GRIK4: variants seen among roughly 807,000 people sequenced by gnomAD.
The protein encoded by GRIK4 is glutamate receptor ionotropic, kainate 4.
In GRIK4, 40 loss-of-function variants were observed where a neutral mutation model predicts 104.9. The observed-to-expected ratio is 0.38, with a 90% CI of 0.30 to 0.50. The LOEUF is 0.50. Ranked by LOEUF, GRIK4 falls within the 20% of genes least tolerant of loss-of-function variation. GRIK4 has a pLI of 0.93. For missense variants in GRIK4, 1,047 were observed against 1,308.1 expected (o/e 0.80, Z 3.08); for synonymous variants, 485 against 524.9 (o/e 0.92, Z 1.04).
intron 3 of GRIK4, among the ~76,000 whole-genome samples, chr11:120,746,548 G>C (rs1951441679): frequency 6.6e-6 from 1 of 152,134 alleles, no homozygotes; most frequent in South Asian, 2.1e-4. Flanking sequence ...CAGAGCCCAG[G>C]GTCAACGAAT....
At chr11:120,579,892 C>CGG (rs1179791458) in intron 1 of GRIK4, among the ~76,000 whole-genome samples, 1 of 152,174 alleles carries the variant, frequency 6.6e-6, no homozygotes. Context: ...CCCACACCCC[C>CGG]GGCAGTCACA....
At chr11:120,814,311 G>A (rs1298060492) in intron 4 of GRIK4, among the ~76,000 whole-genome samples, 1 of 152,176 alleles carries the variant, frequency 6.6e-6, no homozygotes, top group Non-Finnish European at 1.5e-5. Context: ...ATCTAAAGGA[G>A]CCCAGTGGTG....
At chr11:120,781,847 G>A (rs146693431) in intron 3 of GRIK4, among the ~76,000 whole-genome samples, 311 of 152,258 alleles carry the variant, frequency 2.0e-3, no homozygotes, top group African/African-American at 7.1e-3. Flanking sequence ...TTCTCACCAT[G>A]GCCCTTGAGG....
intron 1 of GRIK4, among the ~76,000 whole-genome samples, chr11:120,550,514 A>G (rs576730864): frequency 6.6e-6 from 1 of 152,022 alleles, no homozygotes; most frequent in Non-Finnish European, 1.5e-5. Flanking sequence ...GAGGAAAGGA[A>G]GAGGCAATGT....
chr11:120,644,044 T>TGTGTGTGTGAGA (rs1446673011), intron 1 of GRIK4, among the ~76,000 whole-genome samples: 4 of 112,636 alleles, frequency 3.6e-5, no homozygotes, highest in African/African-American at 1.5e-4. Context: ...TGTGTGTGTG[T>TGTGTGTGTGAGA]GAGAGAGAGA....
At chr11:120,792,452 G>A (rs79778511) in intron 3 of GRIK4, among the ~76,000 whole-genome samples, 4,091 of 152,146 alleles carry the variant, frequency 0.027, 106 homozygotes, top group Middle Eastern at 0.085. Flanking sequence ...TGGCAGCTAG[G>A]AGAGGGTGTG....
intron 2 of GRIK4, among the ~76,000 whole-genome samples, chr11:120,657,202 A>G (rs949587052): frequency 2.0e-5 from 3 of 152,228 alleles, no homozygotes; most frequent in Non-Finnish European, 4.4e-5. Context: ...CCCTGGGGAT[A>G]TAGTCCAAAC....
intron 3 of GRIK4, among the ~76,000 whole-genome samples, chr11:120,745,155 A>G (rs1951417577): frequency 2.0e-5 from 3 of 152,166 alleles, no homozygotes; most frequent in Admixed American, 2.0e-4. Flanking sequence ...CATCCTGGTC[A>G]CAGTTGGAGG....
intron 3 of GRIK4, among the ~76,000 whole-genome samples, chr11:120,771,202 A>G (rs926665003): frequency 2.0e-5 from 3 of 152,192 alleles, no homozygotes; most frequent in African/African-American, 4.8e-5. Context: ...CAGTCTTTGT[A>G]GAGATTAGCT....
At position 120,967,466 on chromosome 11, in the gene GRIK4, G is replaced by A; in HGVS notation, c.2395+143G>A. On this transcript the variant is annotated intron_variant, in intron 19 of 20. Coordinates refer to ENST00000527524, the MANE Select transcript of GRIK4 (RefSeq NM_014619.5). This position sits in a 1 kb window ranked among gnomAD's most constrained non-coding sequence, Gnocchi z 4.2. ...AGGAACCTAGGTATAAAGTGGGCTG[G>A]CGGGGGATCAGGTCTGTCCCAGGGT... 1.2e-6 allele frequency: 1 copy of A among 826,512 alleles called. No individual in the cohort carries two copies. Among genetic ancestry groups the A allele is most frequent in the East Asian group, 2.9e-5 (1 of 34,000 alleles). 51.2% of individuals were successfully genotyped at this position (826,512 alleles called of 1,614,324 possible).
At chr11:120,831,546 G>C (rs1953427933) in intron 6 of GRIK4, among the ~76,000 whole-genome samples, 1 of 152,196 alleles carries the variant, frequency 6.6e-6, no homozygotes, top group Non-Finnish European at 1.5e-5. Flanking sequence ...GAGGGTGGTG[G>C]GGAGGAGGGG....
chr11:120,527,965 C>T (rs985291624), intron 1 of GRIK4, among the ~76,000 whole-genome samples: 4 of 152,106 alleles, frequency 2.6e-5, no homozygotes, highest in Non-Finnish European at 5.9e-5. Flanking sequence ...CATCAACAAA[C>T]AAGTCCTTTT....
chr11:120,540,423 C>A (rs952171105), intron 1 of GRIK4, among the ~76,000 whole-genome samples: 4 of 151,182 alleles, frequency 2.6e-5, no homozygotes, highest in African/African-American at 9.7e-5. Flanking sequence ...GAGTTCGAGA[C>A]CAGCCTGGCC....
At chr11:120,729,409 C>T (rs909290445) in intron 3 of GRIK4, among the ~76,000 whole-genome samples, 12 of 152,192 alleles carry the variant, frequency 7.9e-5, no homozygotes, top group Non-Finnish European at 1.6e-4. Flanking sequence ...TCTCCACATG[C>T]TTGCCAGCGT....
At chr11:120,756,786 C>T (rs1951661396) in intron 3 of GRIK4, among the ~76,000 whole-genome samples, 1 of 152,112 alleles carries the variant, frequency 6.6e-6, no homozygotes. Context: ...GCATCCAGGC[C>T]CTGAGGCTGG....
chr11:120,954,782 TACACACACACACACAC>T (rs768646075), intron 15 of GRIK4, among the ~76,000 whole-genome samples: 5 of 107,898 alleles, frequency 4.6e-5, no homozygotes, highest in Non-Finnish European at 7.3e-5. Flanking sequence ...TCTCTCTCAC[TACACACACACACACAC>T]ACACACACAC....
At chr11:120,778,934 ACTT>A in intron 3 of GRIK4, among the ~76,000 whole-genome samples, 1 of 152,244 alleles carries the variant, frequency 6.6e-6, no homozygotes, top group Non-Finnish European at 1.5e-5. Flanking sequence ...AGGGTGCAGA[ACTT>A]CTCAGACTCA....
At chr11:120,564,952 T>A (rs1948296755) in intron 1 of GRIK4, among the ~76,000 whole-genome samples, 1 of 139,864 alleles carries the variant, frequency 7.1e-6, no homozygotes, top group Non-Finnish European at 1.6e-5. Flanking sequence ...GCCTCCCTTT[T>A]CCGGCGATCG....
intron 7 of GRIK4, among the ~76,000 whole-genome samples, chr11:120,833,650 C>T (rs1231192623): frequency 5.3e-5 from 8 of 152,058 alleles, no homozygotes; most frequent in African/African-American, 1.2e-4. Flanking sequence ...TTTTTTTATT[C>T]GAATAGCATT....
Sources: allele counts gnomAD v4.1 joint callset (sites outside exome capture counted in the v4.1 genomes callset), GRCh38; gene constraint gnomAD v4.1.1; non-coding constraint Gnocchi (gnomAD v3.1); transcripts MANE v1.5; gene names NCBI Gene and HGNC (gene_info 2026-07-23, HGNC 2026-07-21).